Variants in BCLAF3 observed in about 807,000 individuals in gnomAD.
BCLAF3 encodes the protein BCLAF1 and THRAP3 family member 3, also known as transient octamer binding factor 1.
Under a neutral mutation model 51.2 loss-of-function variants are expected in BCLAF3, and 24 were observed. That is an observed-to-expected ratio of 0.47 (90% confidence interval 0.34 to 0.66). The LOEUF (loss-of-function observed/expected upper bound fraction) is 0.66, where lower values mean the gene tolerates loss of function less well. Among genes scored for constraint, BCLAF3 ranks in the 30% least tolerant of loss-of-function variants. BCLAF3 has a pLI of 0.01. For missense variants in BCLAF3, 465 were observed against 525.1 expected, an observed-to-expected ratio of 0.89 and a Z score of 1.12; for synonymous variants, 152 against 176.6, an observed-to-expected ratio of 0.86 and a Z score of 1.10.
At chrX:19,937,175 C>T (rs1489338530) in intron 9 of BCLAF3, among the ~76,000 whole-genome samples, 1 of 111,035 alleles carries the variant, frequency 9.0e-6, no homozygotes, top group African/African-American at 3.3e-5. Context: ...GCACCTGGCC[C>T]CCCAAAAAAT....
intron 2 of BCLAF3, among the ~76,000 whole-genome samples, chrX:19,970,022 G>A (rs142146234): frequency 1.1e-3 from 125 of 112,388 alleles, no homozygotes; most frequent in African/African-American, 3.9e-3. Flanking sequence ...CCACTGCACT[G>A]CTTTTCATTA....
rs2071450899 is a variant in BCLAF3 at position 19,950,772 on chromosome X, T to C, written c.1726A>G (p.Ile576Val). Residue 576 changes from isoleucine (I) to valine (V), a missense_variant, in exon 8 of 12, where the codon ATA becomes GTA. Physicochemically the swap from Ile to Val is conservative, Grantham distance 29 (BLOSUM62 3). Coordinates refer to ENST00000379682, the MANE Select transcript of BCLAF3 (RefSeq NM_001367774.2). ...GATTACCTCTCTGCAGCACTAGCTA[T>C]GTGAAAAATGTGCTCATCTTCATTC... is the stretch of plus-strand genomic sequence containing the variant. ...LQNEDEHIFH[I>V]ASAAERDDQN... The C allele has an allele frequency of 8.3e-7, 1 of 1,204,098 alleles. No individual in the cohort carries two copies. The highest frequency in any genetic ancestry group is 1.1e-6 in the Non-Finnish European group (1 of 890,310).
chrX:19,955,599 G>T (rs201354256), intron 4 of BCLAF3, 33 bp from the exon 5 acceptor site: 6 of 1,095,688 alleles, frequency 5.5e-6, no homozygotes, highest in African/African-American at 1.9e-5. Flanking sequence ...AACTAAATTT[G>T]AAACTATTTT....
At chrX:19,946,141 G>A (rs1010218055) in intron 8 of BCLAF3, among the ~76,000 whole-genome samples, 3 of 111,256 alleles carry the variant, frequency 2.7e-5, no homozygotes, top group African/African-American at 9.8e-5. Flanking sequence ...CTCGCGCCCG[G>A]TGCGCGCACC....
chrX:19,981,480 T>C (rs2072609320), intron 1 of BCLAF3, among the ~76,000 whole-genome samples: 2 of 112,177 alleles, frequency 1.8e-5, no homozygotes, highest in South Asian at 3.6e-4. Flanking sequence ...CACACATTCC[T>C]GGTAGAAATG....
intron 8 of BCLAF3, among the ~76,000 whole-genome samples, chrX:19,944,861 G>A: frequency 1.1e-5 from 1 of 91,077 alleles, no homozygotes; most frequent in Non-Finnish European, 2.1e-5. Context: ...ATAATATCCT[G>A]CAGAGTGTTT....
At chrX:19,982,461 CCAGTTCTT>C (rs1479307549) in intron 1 of BCLAF3, among the ~76,000 whole-genome samples, 1 of 109,698 alleles carries the variant, frequency 9.1e-6, no homozygotes, top group Non-Finnish European at 1.9e-5. Context: ...TCTGTTATTG[CCAGTTCTT>C]CAGTAAGGAG....
intron 8 of BCLAF3, among the ~76,000 whole-genome samples, chrX:19,938,173 G>A (rs1485279281): frequency 1.8e-5 from 2 of 111,229 alleles, no homozygotes; most frequent in Non-Finnish European, 3.8e-5. Context: ...CATTTCCACA[G>A]CCCTTGGGGA....
At chrX:19,932,618 G>A (rs767901690) in intron 10 of BCLAF3, among the ~76,000 whole-genome samples, 31 of 97,515 alleles carry the variant, frequency 3.2e-4, no homozygotes, top group Admixed American at 2.9e-3. Flanking sequence ...TGCAATCTCC[G>A]CCTCCTGAGT....
chrX:19,955,124 T>TTCTTTCGCAGCAGCCAG (rs1174894744), intron 5 of BCLAF3, among the ~76,000 whole-genome samples: 1 of 111,496 alleles, frequency 9.0e-6, no homozygotes, highest in Non-Finnish European at 1.9e-5. Context: ...AGTATGCCTT[T>TTCTTTCGCAGCAGCCAG]TCTTTCGCAG....
Position 19,917,187 on chromosome X carries a change from T to C in BCLAF3, c.*118A>G, listed in dbSNP as rs1210744691. ...GCATTCCACTACTAAAAAATAAAGT[T>C]ATTTTATCAAGAAGTTACAGTATTA... is the stretch of plus-strand genomic sequence containing the variant. On this transcript the variant is annotated 3_prime_UTR_variant, in exon 12 of 12. Transcript: ENST00000379682. 4.5e-6 allele frequency: 3 copies of C among 662,311 alleles called. No homozygotes were observed. The highest frequency in any genetic ancestry group is 7.0e-6 in the Non-Finnish European group (3 of 426,411). 54.6% of individuals were successfully genotyped at this position (662,311 alleles called of 1,213,427 possible). A position where few individuals can be genotyped will look rare whatever the true frequency, so the allele number is the denominator to read the frequency against.
At position 19,944,496 on chromosome X, in the gene BCLAF3, C is replaced by T. The variant is rs1452989151; in HGVS notation, c.1745+6257G>A. Among the ~76,000 whole-genome samples, 384 of 67,091 alleles carry T rather than the reference C, an allele frequency of 5.7e-3. 8 individuals are homozygous for T. Among genetic ancestry groups the T allele is most frequent in the Middle Eastern group, 0.011 (2 of 183 alleles). The allele number at this position is 67,091 out of a possible 115,157, so 58.3% of individuals were successfully genotyped here. On this transcript the variant is annotated intron_variant, in intron 8 of 11. Transcript: ENST00000379682. ...TGGTGACAAAATCTCTCAGCATTTG[C>T]TTGTCTGTAAAGGATTTTATTTCTC...
intron 1 of BCLAF3, among the ~76,000 whole-genome samples, chrX:19,974,335 T>C (rs1347463891): frequency 9.0e-6 from 1 of 111,592 alleles, no homozygotes; most frequent in African/African-American, 3.3e-5. Context: ...AACTTTAGTG[T>C]GCATTAGAAT....
In BCLAF3 at chrX:19,914,095, T is replaced by G. The variant is rs1448757169; in HGVS notation, c.*3210A>C. The G allele has an allele frequency of 9.0e-6, 1 of 110,861 alleles. No homozygotes were observed. The highest frequency in any genetic ancestry group is 1.9e-5 in the Non-Finnish European group (1 of 52,987). 9.1% of individuals were successfully genotyped at this position (110,861 alleles called of 1,213,427 possible). Reference sequence around the variant, plus strand: ...AAGGTGTCTCTGACTTCTGCAGGATTTGGCTTTCCCAGGCTGCTCTGAGAC... The same window carrying G: ...AAGGTGTCTCTGACTTCTGCAGGATGTGGCTTTCCCAGGCTGCTCTGAGAC... On this transcript the variant is annotated 3_prime_UTR_variant, in exon 12 of 12. Coordinates refer to ENST00000379682, the MANE Select transcript of BCLAF3 (RefSeq NM_001367774.2).
intron 1 of BCLAF3, among the ~76,000 whole-genome samples, chrX:19,982,031 T>G (rs1310916037): frequency 8.9e-6 from 1 of 112,185 alleles, no homozygotes. Flanking sequence ...GTTATGTTAA[T>G]TCTATCTCAA....
At chrX:19,989,511 G>A (rs1283842879) in intron 1 of BCLAF3, among the ~76,000 whole-genome samples, 1 of 111,916 alleles carries the variant, frequency 8.9e-6, no homozygotes, top group East Asian at 2.8e-4. Context: ...TAGATATGCG[G>A]ACTTTTACAT....
At position 19,965,622 on chromosome X, in the gene BCLAF3, A is replaced by T. The variant is rs752325982; in HGVS notation, c.696T>A (p.Pro232=). The T allele has an allele frequency of 1.4e-5, 16 of 1,168,223 alleles. No homozygotes were observed. The South Asian group carries it at 2.8e-4, about 20-fold the overall frequency. Residue 232 remains proline, a synonymous_variant, in exon 4 of 12, where the codon CCT becomes CCA. Coordinates refer to ENST00000379682, the MANE Select transcript of BCLAF3 (RefSeq NM_001367774.2). The part of the protein sequence containing the change: ...KDVERYESRE[P]ARNPKWKPEH... ...CAGGCTTCCACTTTGGGTTCCTGGC[A>T]GGCTCTCTGCTTTCATACCTCTCCA...
At chrX:19,983,880 C>T (rs775576890) in intron 1 of BCLAF3, among the ~76,000 whole-genome samples, 1 of 108,207 alleles carries the variant, frequency 9.2e-6, no homozygotes, top group African/African-American at 3.4e-5. Context: ...ACCAGCCTGG[C>T]AAACACCGTG....
intron 1 of BCLAF3, among the ~76,000 whole-genome samples, chrX:19,974,228 T>C: frequency 8.9e-6 from 1 of 112,725 alleles, no homozygotes; most frequent in Non-Finnish European, 1.9e-5. Flanking sequence ...GTTGTTCAAG[T>C]GTCACCTGTA....
Sources: gnomAD v4.1 joint callset for allele counts (sites outside exome capture counted in the v4.1 genomes callset) on GRCh38, gnomAD v4.1.1 for gene constraint, MANE v1.5 for transcripts, NCBI Gene and HGNC (gene_info 2026-07-23, HGNC 2026-07-21) for gene names.